The following MAP6 variants were observed in gnomAD, a reference collection of about 807,000 sequenced individuals.
The protein encoded by MAP6 is microtubule-associated protein 6.
MAP6 carries 26 observed loss-of-function variants against 42.4 expected under a neutral mutation model. That is an observed-to-expected ratio of 0.61 (90% CI 0.45 to 0.85). The LOEUF is 0.85. MAP6 is among the 40% of genes least tolerant of loss of function. The pLI, the probability that MAP6 is intolerant of heterozygous loss-of-function variation, is 0.00. For synonymous variants in MAP6, 418 were observed against 443.8 expected (o/e 0.94, Z 0.73); for missense variants, 966 against 1,099.0 (o/e 0.88, Z 1.71).
intron 3 of MAP6, chr11:75,603,076 CG>C (rs1942694253): frequency 2.0e-6 from 2 of 985,512 alleles, no homozygotes; most frequent in African/African-American, 3.5e-5. Context: ...GCCACAAAAT[CG>C]TAATTAGACA....
At chr11:75,656,749 C>A (rs532514454) in intron 1 of MAP6, among the ~76,000 whole-genome samples, 2 of 152,206 alleles carry the variant, frequency 1.3e-5, no homozygotes, top group Non-Finnish European at 2.9e-5. Flanking sequence ...ACCCTTTCTC[C>A]TGAGCTTCAA....
At chr11:75,638,007 C>T (rs1212353542) in intron 1 of MAP6, among the ~76,000 whole-genome samples, 2 of 152,092 alleles carry the variant, frequency 1.3e-5, no homozygotes, top group Non-Finnish European at 2.9e-5. Context: ...AGTGAAATGT[C>T]CAATAATAGG....
At chr11:75,660,989 G>T (rs1943833984) in intron 1 of MAP6, among the ~76,000 whole-genome samples, 1 of 150,710 alleles carries the variant, frequency 6.6e-6, no homozygotes, top group African/African-American at 2.4e-5. Context: ...AAGCGAGAAG[G>T]TACAAATAAA....
rs752262113 is a variant in MAP6 at position 75,587,313 on chromosome 11, T to C, written c.2188A>G (p.Thr730Ala). The C allele has an allele frequency of 1.2e-6, 2 of 1,614,124 alleles. No homozygotes were observed. The highest frequency in any genetic ancestry group is 1.7e-6 in the Non-Finnish European group (2 of 1,180,014). Residue 730 changes from threonine (T) to alanine (A), a missense_variant, in exon 4 of 4, where the codon ACA (threonine) becomes GCA (alanine). This residue lies in a region of MAP6 where 943 missense variants were observed against 1,049.9 expected (regional missense o/e 0.90). Transcript: ENST00000304771. ...LPVLVKDQGP[T>A]VLQPPKNQGR... ...TGATTCTTTGGAGGCTGTAGGACTGTGGGGCCTTGATCCTTAACTAGTACT... is the reference window on the plus strand; with the variant it reads ...TGATTCTTTGGAGGCTGTAGGACTGCGGGGCCTTGATCCTTAACTAGTACT...
intron 1 of MAP6, among the ~76,000 whole-genome samples, chr11:75,633,154 T>G: frequency 6.6e-6 from 1 of 152,196 alleles, no homozygotes; most frequent in African/African-American, 2.4e-5. Context: ...TGAGTCACCA[T>G]GTACAGGGCA....
chr11:75,640,123 G>A (rs1256694379), intron 1 of MAP6, among the ~76,000 whole-genome samples: 2 of 152,006 alleles, frequency 1.3e-5, no homozygotes, highest in African/African-American at 2.4e-5. Context: ...TGGGGGTGGG[G>A]AACAGGCTGA....
At chr11:75,657,840 T>C (rs1943776858) in intron 1 of MAP6, among the ~76,000 whole-genome samples, 1 of 152,192 alleles carries the variant, frequency 6.6e-6, no homozygotes, top group African/African-American at 2.4e-5. Flanking sequence ...TCTTTCTCTT[T>C]CACTTATAAG....
At chr11:75,620,337 G>A (rs1722953406) in intron 1 of MAP6, among the ~76,000 whole-genome samples, 1 of 152,016 alleles carries the variant, frequency 6.6e-6, no homozygotes, top group South Asian at 2.1e-4. Context: ...TGGGTGTTGT[G>A]GCTCATGCCT....
chr11:75,599,965 T>C (rs1009404364), intron 3 of MAP6, among the ~76,000 whole-genome samples: 7 of 152,242 alleles, frequency 4.6e-5, no homozygotes, highest in African/African-American at 1.7e-4. Flanking sequence ...AAGCAACGCA[T>C]ACATATAAAT....
chr11:75,604,325 T>C, intron 3 of MAP6: 1 of 985,360 alleles, frequency 1.0e-6, no homozygotes. Flanking sequence ...TAAGAGAGAG[T>C]TCGTGGAGGC....
At chr11:75,625,073 C>A (rs1447970917) in intron 1 of MAP6, among the ~76,000 whole-genome samples, 1 of 152,168 alleles carries the variant, frequency 6.6e-6, no homozygotes, top group East Asian at 1.9e-4. Context: ...TCAAGGGCCT[C>A]GCCGAGGAAT....
At chr11:75,626,904 T>C (rs12278470) in intron 1 of MAP6, among the ~76,000 whole-genome samples, 2,564 of 152,272 alleles carry the variant, frequency 0.017, 78 homozygotes, top group African/African-American at 0.059. Flanking sequence ...AGAGGTGCTA[T>C]AACCCATAGA....
At chr11:75,605,690 G>C (rs570835921) in intron 3 of MAP6, 118 bp downstream of exon 3, 3 of 1,508,118 alleles carry the variant, frequency 2.0e-6, no homozygotes, top group African/African-American at 2.8e-5. Flanking sequence ...TCAGGACCAA[G>C]GCAGATGAGA....
At chr11:75,594,091 T>C (rs988968738) in intron 3 of MAP6, 1 of 152,384 alleles carries the variant, frequency 6.6e-6, no homozygotes, top group African/African-American at 2.4e-5. Flanking sequence ...CCATTTGTCT[T>C]GCTCCACAGA....
chr11:75,626,545 T>C (rs1385451519), intron 1 of MAP6, among the ~76,000 whole-genome samples: 1 of 152,220 alleles, frequency 6.6e-6, no homozygotes, highest in Non-Finnish European at 1.5e-5. Flanking sequence ...CAAGTATGTT[T>C]TATTTAATAA....
chr11:75,598,054 T>C (rs976503943), intron 3 of MAP6, among the ~76,000 whole-genome samples: 25 of 152,210 alleles, frequency 1.6e-4, no homozygotes, highest in Non-Finnish European at 3.4e-4. Context: ...GGGAATCAGG[T>C]ATCCCTTGCT....
chr11:75,605,513 T>C, intron 3 of MAP6: 3 of 1,195,148 alleles, frequency 2.5e-6, no homozygotes, highest in South Asian at 4.1e-5. Flanking sequence ...CTCTCAGACC[T>C]GCCTGCCTTG....
At chr11:75,658,284 TGA>T (rs1343004972) in intron 1 of MAP6, among the ~76,000 whole-genome samples, 1 of 152,188 alleles carries the variant, frequency 6.6e-6, no homozygotes, top group East Asian at 1.9e-4. Flanking sequence ...AGCAGCAGTA[TGA>T]GTTTCCATTT....
chr11:75,659,039 G>A (rs1052821224), intron 1 of MAP6, among the ~76,000 whole-genome samples: 1 of 152,186 alleles, frequency 6.6e-6, no homozygotes, highest in African/African-American at 2.4e-5. Context: ...GTCATCCAGG[G>A]ACTTGGTCCA....
Sources: gnomAD v4.1 joint callset for allele counts (sites outside exome capture counted in the v4.1 genomes callset) on GRCh38, gnomAD v4.1.1 for gene constraint, gnomAD v4.1.1 regional missense constraint, MANE v1.5 for transcripts, NCBI Gene and HGNC (gene_info 2026-07-23, HGNC 2026-07-21) for gene names.